Variants in CDC14A observed in about 807,000 individuals in gnomAD.
The protein encoded by CDC14A is cell division cycle 14A, also known as dual specificity protein phosphatase CDC14A.
A neutral mutation model predicts 74.4 loss-of-function variants in CDC14A; 53 were observed. The observed-to-expected ratio is 0.71, with a 90% CI of 0.57 to 0.89. The LOEUF is 0.89. CDC14A is among the 40% of genes least tolerant of loss of function. The pLI is 0.00. For missense variants in CDC14A, 646 were observed against 713.7 expected (o/e 0.91, Z 1.08); for synonymous variants, 247 against 258.4 (o/e 0.96, Z 0.43).
intron 11 of CDC14A, chr1:100,484,872 T>G: frequency 1.0e-6 from 1 of 983,774 alleles, no homozygotes; most frequent in Non-Finnish European, 1.2e-6. Flanking sequence ...TTAGGGCACT[T>G]TTTTAAAAAA....
intron 15 of CDC14A, chr1:100,504,953 C>T: frequency 6.6e-7 from 1 of 1,512,122 alleles, no homozygotes; most frequent in Admixed American, 2.0e-5. Context: ...TGGAATCCAC[C>T]CTATAATTAA....
chr1:100,435,965 G>T (rs1442130509), intron 5 of CDC14A, among the ~76,000 whole-genome samples: 2 of 152,074 alleles, frequency 1.3e-5, no homozygotes, highest in Non-Finnish European at 2.9e-5. Context: ...TTTGGAGCTA[G>T]TAGGGACCTG....
intron 8 of CDC14A, among the ~76,000 whole-genome samples, chr1:100,456,640 TA>T (rs11298645): frequency 0.25 from 36,435 of 145,294 alleles, 5,222 homozygotes; most frequent in African/African-American, 0.41. Context: ...CCCTGTCTCT[TA>T]AAAAAAAAAA....
intron 4 of CDC14A, 98 bp from the exon 5 acceptor site, chr1:100,424,124 C>A: frequency 1.2e-6 from 1 of 834,676 alleles, no homozygotes; most frequent in Non-Finnish European, 2.1e-6. Flanking sequence ...ACCGTAACAG[C>A]TGTCACTCAA....
intron 5 of CDC14A, among the ~76,000 whole-genome samples, chr1:100,436,532 C>T (rs1474944396): frequency 9.2e-5 from 14 of 151,924 alleles, no homozygotes; most frequent in Admixed American, 9.2e-4. Context: ...TCAAGCTATT[C>T]TCCTGCCTCA....
intron 4 of CDC14A, chr1:100,423,999 A>C: frequency 2.1e-6 from 1 of 476,658 alleles, no homozygotes; most frequent in Non-Finnish European, 3.9e-6. Flanking sequence ...TGGCCTCTTC[A>C]TGGATCTGCC....
intron 4 of CDC14A, among the ~76,000 whole-genome samples, chr1:100,398,550 A>G (rs1283655135): frequency 6.6e-6 from 1 of 152,162 alleles, no homozygotes; most frequent in East Asian, 1.9e-4. Context: ...GTAGTCAGGT[A>G]TTCATTAGTT....
At chr1:100,420,037 C>CATATATAT (rs1183502134) in intron 4 of CDC14A, among the ~76,000 whole-genome samples, 4 of 10,884 alleles carry the variant, frequency 3.7e-4, no homozygotes, top group African/African-American at 1.7e-3. Context: ...TATATACACA[C>CATATATAT]ACACACACAC....
In CDC14A at chr1:100,519,291, T is replaced by A. The variant is rs1464467443; in HGVS notation, c.*1011T>A. 1.3e-5 allele frequency: 2 copies of A among 152,092 alleles called. No homozygotes were observed. Among genetic ancestry groups the A allele is most frequent in the Non-Finnish European group, 2.9e-5 (2 of 67,960 alleles). 9.4% of individuals were successfully genotyped at this position (152,092 alleles called of 1,614,324 possible). On this transcript the variant is annotated 3_prime_UTR_variant, in exon 16 of 16. Coordinates refer to ENST00000336454, the MANE Select transcript of CDC14A (RefSeq NM_003672.4). ...TAGTTCTCTGTATTAAAGGAGATAT[T>A]TTTAAAACAGGGTACAACCCCCTGC...
At chr1:100,461,647 A>G (rs951401586) in intron 8 of CDC14A, among the ~76,000 whole-genome samples, 3 of 152,008 alleles carry the variant, frequency 2.0e-5, no homozygotes, top group African/African-American at 7.3e-5. Flanking sequence ...TTGGCTGATT[A>G]GCTAAGGCTA....
intron 15 of CDC14A, among the ~76,000 whole-genome samples, chr1:100,510,556 C>G (rs1279106721): frequency 6.6e-6 from 1 of 152,124 alleles, no homozygotes; most frequent in Non-Finnish European, 1.5e-5. Context: ...GTTTCCCCAG[C>G]CATCTCAGTT....
At chr1:100,395,952 C>T (rs74103150) in intron 4 of CDC14A, among the ~76,000 whole-genome samples, 8,181 of 152,248 alleles carry the variant, frequency 0.054, 412 homozygotes, top group African/African-American at 0.13. Flanking sequence ...GAGATTTTCT[C>T]TTAATTTCTA....
intron 4 of CDC14A, among the ~76,000 whole-genome samples, chr1:100,407,151 T>A (rs1660055789): frequency 6.6e-6 from 1 of 152,164 alleles, no homozygotes; most frequent in Non-Finnish European, 1.5e-5. Context: ...AGCTTTGTTC[T>A]TTCTGCTTAG....
At chr1:100,490,605 A>G (rs1050703778) in intron 11 of CDC14A, among the ~76,000 whole-genome samples, 1 of 152,120 alleles carries the variant, frequency 6.6e-6, no homozygotes, top group Non-Finnish European at 1.5e-5. Context: ...AGACCACTGT[A>G]TAGCCGCTTA....
intron 11 of CDC14A, among the ~76,000 whole-genome samples, chr1:100,491,983 C>T (rs953819996): frequency 6.6e-6 from 1 of 151,382 alleles, no homozygotes; most frequent in South Asian, 2.1e-4. Flanking sequence ...ACAGACAATG[C>T]GGTGGCTCCT....
chr1:100,395,679 C>T (rs1451986207), intron 4 of CDC14A, among the ~76,000 whole-genome samples: 1 of 152,146 alleles, frequency 6.6e-6, no homozygotes, highest in Non-Finnish European at 1.5e-5. Context: ...TAAATTAGAT[C>T]ACGTCATTAC....
intron 11 of CDC14A, among the ~76,000 whole-genome samples, chr1:100,488,180 A>G (rs1670241343): frequency 6.6e-6 from 1 of 152,238 alleles, no homozygotes; most frequent in South Asian, 2.1e-4. Flanking sequence ...TACTTTATTT[A>G]AAGTGCAAAT....
chr1:100,352,381 T>C, upstream of CDC14A: 6 of 778,656 alleles, frequency 7.7e-6, no homozygotes, highest in Non-Finnish European at 9.1e-6. Flanking sequence ...CTTTAAGGGA[T>C]GGCCGCGGAG....
intron 13 of CDC14A, 133 bp from the exon 14 acceptor site, chr1:100,497,952 C>A (rs1648113667): frequency 9.4e-6 from 8 of 853,388 alleles, no homozygotes; most frequent in Non-Finnish European, 1.3e-5. Context: ...GTGGTGGCTG[C>A]CGCTGCTGTC....
Sources: allele counts gnomAD v4.1 joint callset (sites outside exome capture counted in the v4.1 genomes callset), GRCh38; gene constraint gnomAD v4.1.1; transcripts MANE v1.5; gene names NCBI Gene and HGNC (gene_info 2026-07-23, HGNC 2026-07-21).